ADGRV1: variants seen among roughly 807,000 people sequenced by gnomAD.
ADGRV1 encodes the protein G-protein coupled receptor 98.
ADGRV1 carries 359 observed loss-of-function variants against 596.2 expected under a neutral mutation model. The ratio of observed to expected loss-of-function variants is 0.60; its 90% CI spans 0.55 to 0.66. The LOEUF (loss-of-function observed/expected upper bound fraction) is 0.66. Among genes scored for constraint, ADGRV1 ranks in the 30% least tolerant of loss-of-function variants. The pLI, the probability that ADGRV1 is intolerant of heterozygous loss-of-function variation, is 0.00. For synonymous variants in ADGRV1, 2,681 were observed against 2,679.2 expected, an observed-to-expected ratio of 1.00 and a Z score of -0.02; for missense variants, 7,274 against 7,575.6, an observed-to-expected ratio of 0.96 and a Z score of 1.48.
intron 83 of ADGRV1, among the ~76,000 whole-genome samples, chr5:90,919,485 A>C (rs1419021068): frequency 6.6e-6 from 1 of 152,216 alleles, no homozygotes; most frequent in African/African-American, 2.4e-5. Context: ...TATAGTGATT[A>C]TGACTATAAC....
At chr5:90,597,959 A>C (rs1760911495) in intron 1 of ADGRV1, among the ~76,000 whole-genome samples, 1 of 152,224 alleles carries the variant, frequency 6.6e-6, no homozygotes, top group Non-Finnish European at 1.5e-5. Context: ...AAGGGTGGAC[A>C]GTTAATATTG....
At chr5:90,754,315 T>G (rs1755589830) in intron 54 of ADGRV1, among the ~76,000 whole-genome samples, 1 of 152,206 alleles carries the variant, frequency 6.6e-6, no homozygotes, top group Admixed American at 6.5e-5. Flanking sequence ...ACTAAAATCA[T>G]CACCCAAATA....
chr5:90,865,583 A>G (rs1056084887), intron 83 of ADGRV1, among the ~76,000 whole-genome samples: 2 of 152,174 alleles, frequency 1.3e-5, no homozygotes, highest in Non-Finnish European at 2.9e-5. Flanking sequence ...ACAATGTGGC[A>G]TGAAAAATCA....
rs73771136 is a variant in ADGRV1, at chr5:90,950,228, T to A, written c.17857-15187T>A. 5.2e-3 allele frequency among the ~76,000 whole-genome samples: 788 copies of A among 152,324 alleles called. 9 individuals carry two copies. The highest frequency in any genetic ancestry group is 0.018 in the African/African-American group (748 of 41,578). On this transcript the variant is annotated intron_variant, in intron 83 of 89. Transcript: ENST00000405460. Reference sequence around the variant, plus strand: ...CTCTTAGTGTATGTATATTGCTATATATCAATGCAATTACACTGTTCACTG... The same window carrying A: ...CTCTTAGTGTATGTATATTGCTATAAATCAATGCAATTACACTGTTCACTG...
At chr5:90,838,871 C>G (rs893119074) in intron 77 of ADGRV1, among the ~76,000 whole-genome samples, 1 of 152,172 alleles carries the variant, frequency 6.6e-6, no homozygotes, top group South Asian at 2.1e-4. Context: ...GAAAAAAAAC[C>G]CAAAATGAAA....
intron 43 of ADGRV1, 98 bp downstream of exon 43, chr5:90,716,827 A>C: frequency 1.2e-6 from 1 of 842,046 alleles, no homozygotes; most frequent in Non-Finnish European, 1.8e-6. Flanking sequence ...ATGAAAAAAC[A>C]ATACTTCCAG....
intron 82 of ADGRV1, among the ~76,000 whole-genome samples, chr5:90,857,967 T>C (rs1303109148): frequency 6.6e-6 from 1 of 152,092 alleles, no homozygotes; most frequent in Non-Finnish European, 1.5e-5. Flanking sequence ...TCACAATGTA[T>C]CGGTACCAAT....
intron 51 of ADGRV1, 95 bp from the exon 52 acceptor site, chr5:90,745,496 A>G: frequency 1.1e-6 from 1 of 896,410 alleles, no homozygotes; most frequent in Non-Finnish European, 1.7e-6. Flanking sequence ...GATTCTTCCA[A>G]ACCTTTAATA....
intron 87 of ADGRV1, among the ~76,000 whole-genome samples, chr5:91,131,390 C>A (rs1341829292): frequency 2.1e-5 from 3 of 143,476 alleles, no homozygotes; most frequent in African/African-American, 7.6e-5. Flanking sequence ...TTGTTGACTG[C>A]TTGTATGTCT....
In ADGRV1 at chr5:90,756,487, G is replaced by A; in HGVS notation, c.11614G>A (p.Val3872Ile). 1 of 1,588,250 alleles carries A rather than the reference G, an allele frequency of 6.3e-7. No homozygotes were observed. Among genetic ancestry groups the A allele is most frequent in the Non-Finnish European group, 8.6e-7 (1 of 1,167,726 alleles). The change falls in exon 56 of 90, where the codon GTC becomes ATC. Residue 3872 changes from valine to isoleucine, a missense_variant. By Grantham distance (29) the Val-to-Ile change is conservative. Around this residue, in one of 5 missense-constraint regions of ADGRV1, gnomAD observed 3,643 missense variants for 3,809.2 expected, o/e 0.96. Coordinates refer to ENST00000405460, the MANE Select transcript of ADGRV1 (RefSeq NM_032119.4). ...DLPELEEGFI[V>I]TITEVNLVNS... ...TCCTGAATTGGAGGAAGGATTTATT[G>A]TCACTATCACTGAGGTGAACCTGGT...
intron 10 of ADGRV1, among the ~76,000 whole-genome samples, chr5:90,636,293 A>G (rs910529772): frequency 3.9e-5 from 6 of 152,112 alleles, no homozygotes; most frequent in Non-Finnish European, 7.4e-5. Flanking sequence ...ATTTAAACCT[A>G]GTTGAGGTTT....
intron 85 of ADGRV1, among the ~76,000 whole-genome samples, chr5:91,010,800 T>A (rs1040162846): frequency 9.2e-5 from 14 of 152,008 alleles, no homozygotes; most frequent in African/African-American, 3.1e-4. Context: ...ATTTATTTAA[T>A]AATTATTAGA....
chr5:90,614,582 T>C (rs1284300889), intron 1 of ADGRV1: 5 of 421,360 alleles, frequency 1.2e-5, no homozygotes, highest in Non-Finnish European at 2.2e-5. Context: ...AACTTACAGC[T>C]ATTATCTTGG....
chr5:90,695,331 G>A (rs975440960), intron 33 of ADGRV1, among the ~76,000 whole-genome samples: 5 of 152,200 alleles, frequency 3.3e-5, no homozygotes, highest in African/African-American at 1.2e-4. Flanking sequence ...AGATTGAGTG[G>A]TTCTTTTTCA....
At chr5:90,646,223 T>A in intron 16 of ADGRV1, 132 bp downstream of exon 16, 1 of 400,116 alleles carries the variant, frequency 2.5e-6, no homozygotes, top group Non-Finnish European at 3.9e-6. Context: ...TATTTAGCAA[T>A]TTTTTTCATT....
At chr5:90,876,117 T>C (rs1769195576) in intron 83 of ADGRV1, among the ~76,000 whole-genome samples, 1 of 152,174 alleles carries the variant, frequency 6.6e-6, no homozygotes, top group Non-Finnish European at 1.5e-5. Context: ...TTGTATCTGA[T>C]ACCACACTCC....
At chr5:90,917,961 A>G (rs1478049271) in intron 83 of ADGRV1, among the ~76,000 whole-genome samples, 2 of 152,088 alleles carry the variant, frequency 1.3e-5, no homozygotes, top group Non-Finnish European at 2.9e-5. Context: ...CTTTATTGGT[A>G]GTAGCTCTTA....
intron 1 of ADGRV1, among the ~76,000 whole-genome samples, chr5:90,564,094 G>C (rs950142603): frequency 3.9e-5 from 6 of 152,306 alleles, no homozygotes; most frequent in Admixed American, 1.3e-4. Flanking sequence ...CTGAAAGAAG[G>C]CATAATAGAA....
chr5:90,991,034 A>G (rs1780917533), intron 85 of ADGRV1, among the ~76,000 whole-genome samples: 1 of 152,192 alleles, frequency 6.6e-6, no homozygotes, highest in Non-Finnish European at 1.5e-5. Flanking sequence ...GTTCATACAT[A>G]GAGAATATGC....
Sources: allele counts gnomAD v4.1 joint callset (sites outside exome capture counted in the v4.1 genomes callset), GRCh38; gene constraint gnomAD v4.1.1; regional missense constraint gnomAD v4.1.1; transcripts MANE v1.5; gene names NCBI Gene and HGNC (gene_info 2026-07-23, HGNC 2026-07-21).